CTNNA2: variants seen among roughly 807,000 people sequenced by gnomAD.
The protein encoded by CTNNA2 is catenin alpha-2.
A neutral mutation model predicts 101.0 loss-of-function variants in CTNNA2; 42 were observed. That is an observed-to-expected ratio of 0.42 (90% CI 0.32 to 0.54). CTNNA2 has a LOEUF of 0.54. Ranked by LOEUF, CTNNA2 falls within the 20% of genes least tolerant of loss-of-function variation. The pLI, the probability that CTNNA2 is intolerant of heterozygous loss-of-function variation, is 0.14. For missense variants in CTNNA2, 871 were observed against 1,223.1 expected (o/e 0.71, Z 4.29); for synonymous variants, 450 against 456.4 (o/e 0.99, Z 0.18).
intron 7 of CTNNA2, among the ~76,000 whole-genome samples, chr2:80,078,043 A>G (rs1698873660): frequency 6.6e-6 from 1 of 152,132 alleles, no homozygotes; most frequent in African/African-American, 2.4e-5. Context: ...CACTTGTCCT[A>G]CAGTAAAGAT....
chr2:79,243,007 C>T (rs866676158), intron 2 of CTNNA2, among the ~76,000 whole-genome samples: 5 of 142,674 alleles, frequency 3.5e-5, no homozygotes, highest in South Asian at 4.4e-4. Context: ...CACACACACA[C>T]ACACACACAC....
chr2:80,067,909 T>G (rs1572986262), intron 7 of CTNNA2, among the ~76,000 whole-genome samples: 1 of 152,110 alleles, frequency 6.6e-6, no homozygotes, highest in East Asian at 1.9e-4. Flanking sequence ...CCAGCTCCAG[T>G]CAAGCCTCGA....
intron 2 of CTNNA2, among the ~76,000 whole-genome samples, chr2:79,218,147 C>G (rs547834084): frequency 7.1e-4 from 108 of 152,268 alleles, no homozygotes; most frequent in African/African-American, 2.5e-3. Context: ...ATTGGTAAGG[C>G]TCTGATCCCA....
intron 6 of CTNNA2, among the ~76,000 whole-genome samples, chr2:79,894,307 A>T (rs1479556197): frequency 6.6e-6 from 1 of 151,874 alleles, no homozygotes; most frequent in Non-Finnish European, 1.5e-5. Context: ...CATTGCAATA[A>T]CTTCCTAACT....
At chr2:79,520,128 T>C (rs1672025183) in intron 1 of CTNNA2, among the ~76,000 whole-genome samples, 1 of 152,202 alleles carries the variant, frequency 6.6e-6, no homozygotes. Context: ...TTTGGGCATA[T>C]GTTTTATACA....
chr2:79,730,354 T>C (rs1393083890), intron 2 of CTNNA2, among the ~76,000 whole-genome samples: 1 of 152,122 alleles, frequency 6.6e-6, no homozygotes, highest in Non-Finnish European at 1.5e-5. Flanking sequence ...ATTTTAATTC[T>C]AGAGTAGAAA....
At chr2:79,783,837 A>T (rs1156366029) in intron 3 of CTNNA2, among the ~76,000 whole-genome samples, 3 of 152,188 alleles carry the variant, frequency 2.0e-5, no homozygotes, top group Non-Finnish European at 4.4e-5. Flanking sequence ...GATCTATCAC[A>T]TTAAATTGCC....
intron 4 of CTNNA2, among the ~76,000 whole-genome samples, chr2:79,458,721 T>G (rs1670849730): frequency 6.6e-6 from 1 of 152,186 alleles, no homozygotes. Context: ...GAGAATGAAT[T>G]TTGGTTATAA....
intron 11 of CTNNA2, among the ~76,000 whole-genome samples, chr2:80,551,390 C>T (rs1483018429): frequency 1.3e-5 from 2 of 152,170 alleles, no homozygotes; most frequent in African/African-American, 4.8e-5. Context: ...CTCAGCCTGT[C>T]CTTTGAAGCC....
At chr2:80,206,569 A>G (rs1707548891) in intron 7 of CTNNA2, among the ~76,000 whole-genome samples, 1 of 152,212 alleles carries the variant, frequency 6.6e-6, no homozygotes, top group South Asian at 2.1e-4. Context: ...AAAAGAGAGA[A>G]GAGGTATCTA....
At chr2:79,313,828 G>T (rs1676436100) in intron 3 of CTNNA2, among the ~76,000 whole-genome samples, 1 of 152,096 alleles carries the variant, frequency 6.6e-6, no homozygotes, top group African/African-American at 2.4e-5. Flanking sequence ...GTGTGTGTTT[G>T]GGGGTAAGAG....
chr2:79,647,182 C>A (rs1028132006), intron 1 of CTNNA2, among the ~76,000 whole-genome samples: 1 of 152,080 alleles, frequency 6.6e-6, no homozygotes, highest in Non-Finnish European at 1.5e-5. Context: ...TTGATCTGTT[C>A]TCTTGTTTTC....
intron 4 of CTNNA2, among the ~76,000 whole-genome samples, chr2:79,437,037 T>A (rs945219346): frequency 2.0e-5 from 3 of 151,776 alleles, no homozygotes; most frequent in Non-Finnish European, 4.4e-5. Flanking sequence ...AGTTTGAGAG[T>A]AGCCTGCCCA....
At chr2:80,525,092 A>G (rs1449592079) in intron 9 of CTNNA2, among the ~76,000 whole-genome samples, 2 of 151,940 alleles carry the variant, frequency 1.3e-5, no homozygotes, top group African/African-American at 2.4e-5. Context: ...GTGGTGATTA[A>G]TTAAATGTGG....
At chr2:79,504,489 C>T (rs986206400) in intron 4 of CTNNA2, among the ~76,000 whole-genome samples, 1 of 152,026 alleles carries the variant, frequency 6.6e-6, no homozygotes, top group Admixed American at 6.6e-5. Flanking sequence ...GGGCTTTCAC[C>T]ATATTGACCA....
At chr2:80,186,217 A>G (rs774211822) in intron 7 of CTNNA2, among the ~76,000 whole-genome samples, 2 of 151,948 alleles carry the variant, frequency 1.3e-5, no homozygotes, top group African/African-American at 2.4e-5. Flanking sequence ...AAAACTGTCA[A>G]CTCCTAGAGA....
intron 3 of CTNNA2, among the ~76,000 whole-genome samples, chr2:79,815,286 C>G (rs1381483803): frequency 6.6e-6 from 1 of 152,072 alleles, no homozygotes; most frequent in Admixed American, 6.6e-5. Flanking sequence ...TAAGTCGCAA[C>G]TATTTATCTT....
At chr2:79,677,186 C>T (rs1039240656) in intron 2 of CTNNA2, among the ~76,000 whole-genome samples, 1 of 152,160 alleles carries the variant, frequency 6.6e-6, no homozygotes, top group African/African-American at 2.4e-5. Context: ...CAAAGATTAT[C>T]TGAGAGACAG....
At chr2:79,868,092 C>T (rs1332518650) in intron 4 of CTNNA2, among the ~76,000 whole-genome samples, 1 of 152,166 alleles carries the variant, frequency 6.6e-6, no homozygotes, top group Non-Finnish European at 1.5e-5. Context: ...AAACCTGACA[C>T]ATGGCAGTTC....
Sources: gnomAD v4.1 joint callset for allele counts (sites outside exome capture counted in the v4.1 genomes callset) on GRCh38, gnomAD v4.1.1 for gene constraint, MANE v1.5 for transcripts, NCBI Gene and HGNC (gene_info 2026-07-23, HGNC 2026-07-21) for gene names.